The following F8 variants were observed in gnomAD, a reference collection of about 807,000 sequenced individuals.
F8 encodes coagulation factor VIII.
F8 carries 12 observed loss-of-function variants against 140.6 expected under a neutral mutation model. The observed-to-expected ratio is 0.09, with a 90% CI of 0.05 to 0.14. The LOEUF (loss-of-function observed/expected upper bound fraction) is 0.14, where lower values mean the gene tolerates loss of function less well. F8 is among the 10% of genes least tolerant of loss of function. F8 has a pLI of 1.00. For synonymous variants in F8, 585 were observed against 614.6 expected, an observed-to-expected ratio of 0.95 and a Z score of 0.71; for missense variants, 1,354 against 1,720.7, an observed-to-expected ratio of 0.79 and a Z score of 3.77.
At chrX:154,914,317 C>T (rs1307203618) in intron 14 of F8, among the ~76,000 whole-genome samples, 5 of 112,755 alleles carry the variant, frequency 4.4e-5, no homozygotes, top group Non-Finnish European at 1.9e-5. Flanking sequence ...CTCTAACATG[C>T]CCTGGACACA....
At chrX:154,843,278 A>G (rs2072536827) in intron 25 of F8, among the ~76,000 whole-genome samples, 1 of 112,032 alleles carries the variant, frequency 8.9e-6, no homozygotes, top group Admixed American at 9.5e-5. Flanking sequence ...TCTTTATAGC[A>G]GCATGATTTA....
At chrX:154,980,631 G>A (rs1271778852) in intron 6 of F8, among the ~76,000 whole-genome samples, 2 of 112,081 alleles carry the variant, frequency 1.8e-5, no homozygotes, top group Non-Finnish European at 3.8e-5. Flanking sequence ...GTCTGGGTTT[G>A]TTTGTGACTG....
chrX:154,931,720 AT>A (rs1557278886), intron 13 of F8, 44 bp from the exon 14 acceptor site: 1 of 1,098,113 alleles, frequency 9.1e-7, no homozygotes, highest in Non-Finnish European at 1.3e-6. Flanking sequence ...CATAACACAG[AT>A]TCTAAAACGT....
chrX:154,988,754 C>T (rs1334674599), intron 4 of F8, among the ~76,000 whole-genome samples: 1 of 112,046 alleles, frequency 8.9e-6, no homozygotes, highest in Admixed American at 9.5e-5. Context: ...TTGCTTTCCC[C>T]TCTTCTAGGA....
intron 1 of F8, among the ~76,000 whole-genome samples, chrX:155,013,267 G>A (rs112591382): frequency 9.0e-6 from 1 of 111,071 alleles, no homozygotes; most frequent in East Asian, 2.8e-4. Flanking sequence ...AGAGGGACCA[G>A]GTGGGAGGTA....
At chrX:155,008,318 C>A (rs1454564796) in intron 1 of F8, among the ~76,000 whole-genome samples, 2 of 112,447 alleles carry the variant, frequency 1.8e-5, no homozygotes, top group Non-Finnish European at 3.8e-5. Context: ...TGGGGAGTCT[C>A]TGCCGCCCCT....
chrX:155,006,956 G>T (rs2073679556), intron 1 of F8, among the ~76,000 whole-genome samples: 1 of 72,920 alleles, frequency 1.4e-5, no homozygotes, highest in South Asian at 9.1e-4. Flanking sequence ...CAAAGGTGGG[G>T]CCGACTTAAT....
At chrX:154,992,884 G>T in intron 4 of F8, 52 bp downstream of exon 4, 2 of 1,097,932 alleles carry the variant, frequency 1.8e-6, no homozygotes, top group Non-Finnish European at 2.5e-6. Context: ...AGATTCAGTT[G>T]TTTGTACTTC....
chrX:155,014,914 G>A (rs1368093773), intron 1 of F8, among the ~76,000 whole-genome samples: 1 of 111,993 alleles, frequency 8.9e-6, no homozygotes, highest in African/African-American at 3.2e-5. Flanking sequence ...TGGTGGAGTT[G>A]GCTAGTTGAC....
intron 1 of F8, among the ~76,000 whole-genome samples, chrX:155,019,696 A>G (rs1353102066): frequency 1.8e-5 from 2 of 110,556 alleles, no homozygotes; most frequent in Non-Finnish European, 3.8e-5. Context: ...TGGGGGGCTG[A>G]TATACAGGAG....
rs868969692 is a variant in F8, at chrX:154,904,318, A to G, written c.5793T>C (p.Phe1931=). 1 of 1,209,153 alleles carries G rather than the reference A, an allele frequency of 8.3e-7. No homozygotes were observed. Among genetic ancestry groups the G allele is most frequent in the Middle Eastern group, 2.3e-4 (1 of 4,326 alleles). The change falls in exon 17 of 26, where the codon TTT becomes TTC. Residue 1931 remains phenylalanine (F), a synonymous_variant. Transcript: ENST00000360256. ...TACCATGGAAGCGATAATTCTCTTT[A>G]AAAGTGGGATCTTCCATCTGGATAT... The part of the protein sequence containing the change: ...PCNIQMEDPT[F]KENYRFHAIN...
At chrX:154,949,448 A>G (rs1399301705) in intron 12 of F8, among the ~76,000 whole-genome samples, 2 of 112,405 alleles carry the variant, frequency 1.8e-5, no homozygotes, top group Non-Finnish European at 3.8e-5. Flanking sequence ...TTCTAGAATC[A>G]TGTATAAAAG....
intron 14 of F8, among the ~76,000 whole-genome samples, chrX:154,923,646 C>T (rs1355351858): frequency 8.9e-6 from 1 of 112,194 alleles, no homozygotes; most frequent in African/African-American, 3.2e-5. Flanking sequence ...ACCAGTCTGG[C>T]CAATATGGTG....
Position 154,904,919 on chromosome X carries a change from G to T in F8, c.5478C>A (p.Val1826=). ...RQGAEPRKNF[V]KPNETKTYFW... is the part of the protein sequence containing the mutation. ...AGTAAGTTTTGGTTTCATTAGGCTT[G>T]ACAAAGTTTTTTCTAGGTTCTGCTC... is the stretch of plus-strand genomic sequence containing the variant. Residue 1826 remains valine, a synonymous_variant, in exon 16 of 26, where the codon GTC becomes GTA. Transcript: ENST00000360256. 1 of 1,209,803 alleles carries T rather than the reference G, an allele frequency of 8.3e-7. No homozygotes were observed. Among genetic ancestry groups the T allele is most frequent in the Non-Finnish European group, 1.1e-6 (1 of 894,258 alleles).
chrX:154,903,322 C>G (rs1479625373), intron 18 of F8, among the ~76,000 whole-genome samples: 2 of 110,771 alleles, frequency 1.8e-5, no homozygotes, highest in Non-Finnish European at 3.8e-5. Flanking sequence ...GTAGCTGGGA[C>G]TACAGGTATA....
chrX:154,880,697 C>A (rs2072853410), intron 22 of F8, among the ~76,000 whole-genome samples: 1 of 112,056 alleles, frequency 8.9e-6, no homozygotes, highest in African/African-American at 3.2e-5. Context: ...TAAGTCCTAG[C>A]TGGAGAATCT....
At chrX:154,950,284 C>T (rs1057070392) in intron 12 of F8, among the ~76,000 whole-genome samples, 5 of 111,867 alleles carry the variant, frequency 4.5e-5, no homozygotes, top group Non-Finnish European at 9.4e-5. Context: ...TAGGGTATGC[C>T]GATGTTTGGC....
intron 1 of F8, among the ~76,000 whole-genome samples, chrX:155,006,143 A>C (rs2073675806): frequency 8.9e-6 from 1 of 112,014 alleles, no homozygotes; most frequent in African/African-American, 3.3e-5. Flanking sequence ...GAAACATTTT[A>C]TTTTGTCTGA....
intron 14 of F8, chrX:154,909,806 T>C (rs1443714110): frequency 8.9e-6 from 1 of 112,865 alleles, no homozygotes; most frequent in Admixed American, 9.3e-5. Flanking sequence ...AATCAAATGA[T>C]GGTAATTGGA....
Sources: gnomAD v4.1 joint callset for allele counts (sites outside exome capture counted in the v4.1 genomes callset) on GRCh38, gnomAD v4.1.1 for gene constraint, MANE v1.5 for transcripts, NCBI Gene and HGNC (gene_info 2026-07-23, HGNC 2026-07-21) for gene names.